INSYN2B: variants seen among roughly 807,000 people sequenced by gnomAD.
INSYN2B encodes inhibitory synaptic factor family member 2B.
A neutral mutation model predicts 41.2 loss-of-function variants in INSYN2B; 16 were observed. The observed-to-expected ratio is 0.39, with a 90% confidence interval of 0.26 to 0.59. The LOEUF (loss-of-function observed/expected upper bound fraction) is 0.59, where lower values mean the gene tolerates loss of function less well. Among genes scored for constraint, INSYN2B ranks in the 20% least tolerant of loss-of-function variants. The pLI is 0.57. For missense variants in INSYN2B, 608 were observed against 646.4 expected (o/e 0.94, Z 0.64); for synonymous variants, 245 against 244.4 (o/e 1.00, Z -0.02).
At chr5:169,906,006 A>G (rs1452314184) in intron 1 of INSYN2B, among the ~76,000 whole-genome samples, 1 of 152,158 alleles carries the variant, frequency 6.6e-6, no homozygotes, top group Non-Finnish European at 1.5e-5. Context: ...CTCTTACACA[A>G]GGTTTAATAT....
At chr5:169,942,723 A>G (rs1007232343) in intron 1 of INSYN2B, among the ~76,000 whole-genome samples, 1 of 152,128 alleles carries the variant, frequency 6.6e-6, no homozygotes, top group Non-Finnish European at 1.5e-5. Context: ...TGCCCTCCAC[A>G]TTGGTCGGAG....
chr5:169,959,588 G>A (rs1353984332), intron 1 of INSYN2B, among the ~76,000 whole-genome samples: 2 of 152,152 alleles, frequency 1.3e-5, no homozygotes, highest in Non-Finnish European at 2.9e-5. Context: ...TGCAAGCAGA[G>A]GTCACTGAAT....
At chr5:169,892,776 A>G (rs1773371251) in intron 1 of INSYN2B, among the ~76,000 whole-genome samples, 1 of 152,228 alleles carries the variant, frequency 6.6e-6, no homozygotes, top group African/African-American at 2.4e-5. Context: ...AGGACAGTAG[A>G]GTGAACATAA....
chr5:169,977,471 A>G (rs1455509355), intron 1 of INSYN2B, among the ~76,000 whole-genome samples: 2 of 152,224 alleles, frequency 1.3e-5, no homozygotes, highest in Non-Finnish European at 2.9e-5. Flanking sequence ...AGTCCTTTAC[A>G]CAAATTAATT....
chr5:169,952,738 G>A (rs1776710478), intron 1 of INSYN2B, among the ~76,000 whole-genome samples: 1 of 152,144 alleles, frequency 6.6e-6, no homozygotes, highest in African/African-American at 2.4e-5. Flanking sequence ...CTCAGGTAGG[G>A]GTTGTCATTG....
At chr5:169,964,856 G>A (rs543060760) in intron 1 of INSYN2B, among the ~76,000 whole-genome samples, 3 of 152,360 alleles carry the variant, frequency 2.0e-5, no homozygotes, top group Admixed American at 6.5e-5. Context: ...GGAACTGCAT[G>A]TAAATTGCTT....
chr5:169,977,564 C>G (rs1432890468), intron 1 of INSYN2B, among the ~76,000 whole-genome samples: 1 of 152,184 alleles, frequency 6.6e-6, no homozygotes, highest in African/African-American at 2.4e-5. Context: ...AGACCCTGCT[C>G]GAGGTCACAA....
chr5:169,895,994 A>G (rs1453863769), intron 1 of INSYN2B, among the ~76,000 whole-genome samples: 2 of 152,122 alleles, frequency 1.3e-5, no homozygotes, highest in Non-Finnish European at 1.5e-5. Flanking sequence ...TGTGAATGCT[A>G]TGATCTCAAG....
At chr5:169,874,264 T>G (rs1402523389) in intron 3 of INSYN2B, among the ~76,000 whole-genome samples, 2 of 151,816 alleles carry the variant, frequency 1.3e-5, no homozygotes, top group Non-Finnish European at 2.9e-5. Flanking sequence ...AATACAAAAA[T>G]TAGCTGGGTG....
At chr5:169,916,932 A>G (rs1170592071) in intron 1 of INSYN2B, among the ~76,000 whole-genome samples, 2 of 152,198 alleles carry the variant, frequency 1.3e-5, no homozygotes, top group Non-Finnish European at 2.9e-5. Flanking sequence ...TTTAGCCACT[A>G]TGCTGTAAAG....
chr5:169,905,772 C>T (rs1334805543), intron 1 of INSYN2B, among the ~76,000 whole-genome samples: 1 of 152,232 alleles, frequency 6.6e-6, no homozygotes, highest in South Asian at 2.1e-4. Flanking sequence ...GGGCTCACCA[C>T]AGCTGCGATT....
intron 3 of INSYN2B, among the ~76,000 whole-genome samples, chr5:169,877,473 A>C (rs1019447290): frequency 5.3e-5 from 8 of 152,326 alleles, no homozygotes; most frequent in African/African-American, 1.9e-4. Context: ...TGGCATATGA[A>C]GAGAAAGTCA....
intron 1 of INSYN2B, among the ~76,000 whole-genome samples, chr5:169,965,187 T>C (rs1275720177): frequency 6.6e-6 from 1 of 152,236 alleles, no homozygotes; most frequent in Non-Finnish European, 1.5e-5. Flanking sequence ...TTTTCTTGAA[T>C]ACCCACTGTG....
rs79550508 is a variant in INSYN2B, at chr5:169,948,391, C to T, written c.-919+31886G>A. Among the ~76,000 whole-genome samples the T allele has an allele frequency of 9.6e-4, 146 of 152,086 alleles. 4 individuals are homozygous for T. The East Asian group carries it at 0.026, about 27-fold the overall frequency. On this transcript the variant is annotated intron_variant, in intron 1 of 3. Transcript: ENST00000377365. ...GGTAGGGGGAGAATGATTATTTGCA[C>T]CTTTCTCTGTTTTTTCATACCCATT... is the stretch of plus-strand genomic sequence containing the variant.
At chr5:169,894,512 C>T (rs1016787437) in intron 1 of INSYN2B, among the ~76,000 whole-genome samples, 2 of 152,184 alleles carry the variant, frequency 1.3e-5, no homozygotes, top group African/African-American at 2.4e-5. Context: ...TGAAGGTTTT[C>T]CCACTTCTGG....
At chr5:169,932,246 G>T (rs1775791099) in intron 1 of INSYN2B, among the ~76,000 whole-genome samples, 1 of 152,176 alleles carries the variant, frequency 6.6e-6, no homozygotes, top group Non-Finnish European at 1.5e-5. Flanking sequence ...TGAGTTTACA[G>T]AGCCCTGTTA....
chr5:169,926,101 G>T (rs569839943), intron 1 of INSYN2B, among the ~76,000 whole-genome samples: 1 of 152,130 alleles, frequency 6.6e-6, no homozygotes, highest in Non-Finnish European at 1.5e-5. Context: ...GAGACAAGTG[G>T]GATGCTGTGG....
chr5:169,935,043 TAGAA>T (rs1447592220), intron 1 of INSYN2B, among the ~76,000 whole-genome samples: 2 of 152,096 alleles, frequency 1.3e-5, no homozygotes, highest in East Asian at 3.9e-4. Flanking sequence ...GGAAAATTAA[TAGAA>T]AGAGCACTGG....
chr5:169,927,716 A>G (rs1561830581), intron 1 of INSYN2B, among the ~76,000 whole-genome samples: 2 of 152,216 alleles, frequency 1.3e-5, no homozygotes, highest in Non-Finnish European at 2.9e-5. Context: ...TCCCGAGTTC[A>G]TGCCATTCTC....
Sources: allele counts gnomAD v4.1 joint callset (sites outside exome capture counted in the v4.1 genomes callset), GRCh38; gene constraint gnomAD v4.1.1; transcripts MANE v1.5; gene names NCBI Gene and HGNC (gene_info 2026-07-23, HGNC 2026-07-21).